PRKD1: variants seen among roughly 807,000 people sequenced by gnomAD.
The protein encoded by PRKD1 is protein kinase D1.
In PRKD1, 63 loss-of-function variants were observed where a neutral mutation model predicts 95.9. The observed-to-expected ratio is 0.66, with a 90% CI of 0.54 to 0.81. The LOEUF (loss-of-function observed/expected upper bound fraction) is 0.81, where lower values mean the gene tolerates loss of function less well. PRKD1 is among the 30% of genes least tolerant of loss of function. The pLI is 0.00. For missense variants in PRKD1, 1,048 were observed against 1,165.3 expected, an observed-to-expected ratio of 0.90 and a Z score of 1.47; for synonymous variants, 425 against 423.1, an observed-to-expected ratio of 1.00 and a Z score of -0.05.
At chr14:29,608,324 A>G (rs991486794) in intron 13 of PRKD1, among the ~76,000 whole-genome samples, 2 of 152,154 alleles carry the variant, frequency 1.3e-5, no homozygotes, top group Non-Finnish European at 2.9e-5. Context: ...CTTTATCCTC[A>G]TTTAGTGAAT....
intron 16 of PRKD1, among the ~76,000 whole-genome samples, chr14:29,595,022 A>G (rs1158886341): frequency 1.4e-5 from 2 of 147,890 alleles, no homozygotes; most frequent in East Asian, 4.0e-4. Context: ...CCAGAGCTTT[A>G]GTTCGCAAAC....
chr14:29,783,746 C>T (rs957688714), intron 1 of PRKD1, among the ~76,000 whole-genome samples: 2 of 152,136 alleles, frequency 1.3e-5, no homozygotes, highest in Non-Finnish European at 2.9e-5. Flanking sequence ...TAGAGAGATG[C>T]TGAGCATTTT....
chr14:29,627,450 C>T (rs1448532392), intron 11 of PRKD1, among the ~76,000 whole-genome samples: 1 of 152,198 alleles, frequency 6.6e-6, no homozygotes, highest in Admixed American at 6.5e-5. Flanking sequence ...ACTTCGGGAG[C>T]TAACAAGTTC....
chr14:29,914,777 C>CTTTTCTTTTCTTTT (rs562742263), intron 1 of PRKD1, among the ~76,000 whole-genome samples: 1 of 144,332 alleles, frequency 6.9e-6, no homozygotes. Flanking sequence ...CTTTTCTTTT[C>CTTTTCTTTTCTTTT]TTTTTTTTTT....
intron 2 of PRKD1, among the ~76,000 whole-genome samples, chr14:29,672,935 C>G (rs1479646770): frequency 6.6e-6 from 1 of 151,798 alleles, no homozygotes; most frequent in African/African-American, 2.4e-5. Context: ...CAGAAGGATG[C>G]ACCGGGACAG....
At chr14:29,921,208 A>G (rs536805380) in intron 1 of PRKD1, among the ~76,000 whole-genome samples, 1 of 152,304 alleles carries the variant, frequency 6.6e-6, no homozygotes, top group African/African-American at 2.4e-5. Context: ...TGTGTCTTTC[A>G]TTTAGTAATA....
chr14:29,780,242 A>T lies in PRKD1; in HGVS notation c.265-54568T>A, dbSNP rs1364094776. On this transcript the variant is annotated intron_variant, in intron 1 of 17. Transcript: ENST00000331968. ...CATAGGCATGGGCAAGGACTTCATGACTAAAACACCAAAAGCAATGGCAAC... is the reference window on the plus strand; with the variant it reads ...CATAGGCATGGGCAAGGACTTCATGTCTAAAACACCAAAAGCAATGGCAAC... 7.2e-5 allele frequency among the ~76,000 whole-genome samples: 11 copies of T among 152,260 alleles called. No homozygotes were observed. The East Asian group carries it at 1.9e-3, about 27-fold the overall frequency.
intron 1 of PRKD1, among the ~76,000 whole-genome samples, chr14:29,846,560 G>A (rs768899244): frequency 3.3e-4 from 50 of 152,182 alleles, no homozygotes; most frequent in Non-Finnish European, 5.6e-4. Flanking sequence ...CCAGGTGCTG[G>A]GCCATGCAGG....
chr14:29,737,328 CAAAAAAAAAAAAAAAAAAA>C (rs796557046), intron 1 of PRKD1, among the ~76,000 whole-genome samples: 669 of 38,032 alleles, frequency 0.018, 14 homozygotes, highest in Non-Finnish European at 0.022. Context: ...GACTCCGTCT[CAAAAAAAAAAAAAAAAAAA>C]AAAAAAAAAA....
In PRKD1 at chr14:29,700,988, G is replaced by GCGCA. The variant is rs140824053; in HGVS notation, c.403+24547_403+24548insTGCG. ...TACGCGTGCGCATGCGCGCGCGCGCGCACACACACACACACACACCCTGTT... is the reference window on the plus strand; with the variant it reads ...TACGCGTGCGCATGCGCGCGCGCGCGCGCACACACACACACACACACACCCTGTT... On this transcript the variant is annotated intron_variant, in intron 2 of 17. Transcript: ENST00000331968. 5.1e-3 allele frequency among the ~76,000 whole-genome samples: 465 copies of GCGCA among 90,594 alleles called. 8 individuals are homozygous for GCGCA. The East Asian group carries it at 0.073, about 14-fold the overall frequency. The allele number at this position is 90,594 out of a possible 152,430, so 59.4% of individuals were successfully genotyped here. A position where few individuals can be genotyped will look rare whatever the true frequency, so the allele number is the denominator to read the frequency against.
intron 13 of PRKD1, among the ~76,000 whole-genome samples, chr14:29,612,970 T>C (rs1398391996): frequency 2.6e-5 from 4 of 152,002 alleles, no homozygotes; most frequent in Admixed American, 1.3e-4. Flanking sequence ...TGCTGGTGGG[T>C]GCCTGTAGTC....
chr14:29,663,659 T>C, intron 4 of PRKD1, 40 bp downstream of exon 4: 1 of 1,599,012 alleles, frequency 6.3e-7, no homozygotes, highest in African/African-American at 1.3e-5. Context: ...CCCACAGATT[T>C]CTCATGTAAA....
chr14:29,821,322 G>A (rs1396916107), intron 1 of PRKD1, among the ~76,000 whole-genome samples: 2 of 152,134 alleles, frequency 1.3e-5, no homozygotes, highest in Non-Finnish European at 2.9e-5. Context: ...ACAGCAGCCA[G>A]AATTCCGTGG....
chr14:29,858,042 A>T (rs75183778), intron 1 of PRKD1, among the ~76,000 whole-genome samples: 3,640 of 152,316 alleles, frequency 0.024, 143 homozygotes, highest in African/African-American at 0.082. Context: ...TTGTATGAGA[A>T]AACTAGTTCT....
chr14:29,738,284 TAAAA>T (rs965318189), intron 1 of PRKD1, among the ~76,000 whole-genome samples: 2 of 151,916 alleles, frequency 1.3e-5, no homozygotes, highest in Non-Finnish European at 2.9e-5. Context: ...ACCAGAAAAA[TAAAA>T]AAAGACTTTC....
At chr14:29,788,721 C>G (rs1182313118) in intron 1 of PRKD1, among the ~76,000 whole-genome samples, 1 of 151,834 alleles carries the variant, frequency 6.6e-6, no homozygotes, top group Non-Finnish European at 1.5e-5. Context: ...TATTTTTATT[C>G]TCCTCTTTTG....
chr14:29,638,279 T>C (rs1009272649), intron 6 of PRKD1: 4 of 563,198 alleles, frequency 7.1e-6, no homozygotes, highest in African/African-American at 3.8e-5. Flanking sequence ...CTGCTCACCA[T>C]GTAAAGATCA....
In PRKD1 at chr14:29,788,190, T is replaced by A. The variant is rs544498384; in HGVS notation, c.265-62516A>T. Among the ~76,000 whole-genome samples, 5 of 152,314 alleles carry A rather than the reference T, an allele frequency of 3.3e-5. No homozygotes were observed. The South Asian group carries it at 1.0e-3, about 32-fold the overall frequency. On this transcript the variant is annotated intron_variant, in intron 1 of 17. Coordinates refer to ENST00000331968, the MANE Select transcript of PRKD1 (RefSeq NM_002742.3). Reference sequence around the variant, plus strand: ...TTTTGAAGGAGAGTTTTTATGCTTATCATGTTCTTAGCTGTCATTGTTTTT... The same window carrying A: ...TTTTGAAGGAGAGTTTTTATGCTTAACATGTTCTTAGCTGTCATTGTTTTT...
At chr14:29,842,073 T>C (rs1329472206) in intron 1 of PRKD1, among the ~76,000 whole-genome samples, 1 of 152,178 alleles carries the variant, frequency 6.6e-6, no homozygotes, top group Non-Finnish European at 1.5e-5. Context: ...ATCCCACATC[T>C]TGTCCCACTG....
Sources: gnomAD v4.1 joint callset for allele counts (sites outside exome capture counted in the v4.1 genomes callset) on GRCh38, gnomAD v4.1.1 for gene constraint, MANE v1.5 for transcripts, NCBI Gene and HGNC (gene_info 2026-07-23, HGNC 2026-07-21) for gene names.